Variants in WLS observed in about 807,000 individuals in gnomAD.
WLS encodes the protein protein wntless homolog.
In WLS, 23 loss-of-function variants were observed where a neutral mutation model predicts 62.8. The observed-to-expected ratio is 0.37, with a 90% CI of 0.26 to 0.52. WLS has a LOEUF of 0.52. WLS is among the 20% of genes least tolerant of loss of function. WLS has a pLI of 0.92. For synonymous variants in WLS, 246 were observed against 244.1 expected (o/e 1.01, Z -0.07); for missense variants, 615 against 697.3 (o/e 0.88, Z 1.33).
At chr1:68,171,648 A>G (rs1647155443) in intron 2 of WLS, among the ~76,000 whole-genome samples, 1 of 152,214 alleles carries the variant, frequency 6.6e-6, no homozygotes, top group Non-Finnish European at 1.5e-5. Flanking sequence ...GCGATCATTG[A>G]AAAGTCAGGA....
At chr1:68,117,603 C>A (rs61737289) in intron 11 of WLS, 4,320 of 152,568 alleles carry the variant, frequency 0.028, 82 homozygotes, top group Non-Finnish European at 0.039. Flanking sequence ...GCGGCCACTG[C>A]CACTGACTTC....
At chr1:68,142,898 C>G (rs1237950661) in intron 10 of WLS, 1 of 152,116 alleles carries the variant, frequency 6.6e-6, no homozygotes, top group Non-Finnish European at 1.5e-5. Context: ...TCACTAGTCT[C>G]TAGCTGAAAG....
chr1:68,203,841 G>A (rs1297771729), intron 1 of WLS, among the ~76,000 whole-genome samples: 1 of 152,144 alleles, frequency 6.6e-6, no homozygotes, highest in Admixed American at 6.5e-5. Flanking sequence ...CTCAGGAAAG[G>A]GTGGGTTCCT....
chr1:68,138,139 C>G (rs1646637444), intron 10 of WLS: 2 of 611,870 alleles, frequency 3.3e-6, no homozygotes, highest in South Asian at 4.2e-5. Context: ...CTGTCAGGCA[C>G]AGTCAGTGGT....
At chr1:68,113,201 C>T (rs925856756) in intron 11 of WLS, among the ~76,000 whole-genome samples, 5 of 152,180 alleles carry the variant, frequency 3.3e-5, no homozygotes, top group South Asian at 2.1e-4. Context: ...TAAAAATATC[C>T]GTATCCTTAT....
At chr1:68,104,173 G>T (rs954950932) in intron 11 of WLS, among the ~76,000 whole-genome samples, 2 of 146,600 alleles carry the variant, frequency 1.4e-5, no homozygotes, top group African/African-American at 5.1e-5. Flanking sequence ...GTCTCTCGGG[G>T]CCCTGCAATG....
rs145173099 is a variant in WLS at position 68,116,753 on chromosome 1, C to A, written c.1511-18000G>T. Among the ~76,000 whole-genome samples, 526 of 152,232 alleles carry A rather than the reference C, an allele frequency of 3.5e-3. 3 individuals carry two copies. The highest frequency in any genetic ancestry group is 0.02 in the Middle Eastern group (6 of 294). ...AACAGTGCCTGGTACTTAATAGGGG[C>A]TCTATAAACAGTTGTTGGGTGAATG... On this transcript the variant is annotated intron_variant, in intron 11 of 11. Coordinates refer to the WLS transcript ENST00000354777.
intron 11 of WLS, among the ~76,000 whole-genome samples, chr1:68,117,259 T>C (rs1646304583): frequency 6.6e-6 from 1 of 152,184 alleles, no homozygotes; most frequent in Admixed American, 6.5e-5. Flanking sequence ...TATACAGTAT[T>C]CTTCCCAACC....
At position 68,126,182 on chromosome 1, in the gene WLS, G is replaced by A. The variant is rs1332279885; in HGVS notation, c.*44C>T. The A allele has an allele frequency of 6.2e-7, 1 of 1,610,608 alleles. No homozygotes were observed. Among genetic ancestry groups the A allele is most frequent in the South Asian group, 1.1e-5 (1 of 90,442 alleles). The stretch of plus-strand genomic sequence containing the variant: ...GCATGCTCCCCACTCTAGTTAGAGG[G>A]GCTGGGGTATGGAGAGACCGTCCCA... On this transcript the variant is annotated 3_prime_UTR_variant, in exon 12 of 12. Transcript: ENST00000262348.
At chr1:68,115,897 G>A (rs1286733421) in intron 11 of WLS, among the ~76,000 whole-genome samples, 2 of 152,022 alleles carry the variant, frequency 1.3e-5, no homozygotes, top group Admixed American at 6.5e-5. Flanking sequence ...TATTCCACTA[G>A]TCTTCCACCC....
chr1:68,115,691 A>G (rs991418591), intron 11 of WLS, among the ~76,000 whole-genome samples: 1 of 150,748 alleles, frequency 6.6e-6, no homozygotes, highest in Non-Finnish European at 1.5e-5. Context: ...ATGAGGGGGG[A>G]ATACTTTTTA....
chr1:68,111,100 T>C (rs1382441597), intron 11 of WLS, among the ~76,000 whole-genome samples: 1 of 152,236 alleles, frequency 6.6e-6, no homozygotes, highest in African/African-American at 2.4e-5. Flanking sequence ...TCTAGATTAA[T>C]CTTGACCGTG....
chr1:68,213,337 G>T (rs1649594012), intron 1 of WLS, among the ~76,000 whole-genome samples: 1 of 151,552 alleles, frequency 6.6e-6, no homozygotes, highest in Non-Finnish European at 1.5e-5. Flanking sequence ...TGTAATCCCA[G>T]CTACTCAGGA....
At chr1:68,130,486 T>C (rs1195989695) in intron 11 of WLS, among the ~76,000 whole-genome samples, 1 of 152,226 alleles carries the variant, frequency 6.6e-6, no homozygotes, top group Non-Finnish European at 1.5e-5. Flanking sequence ...AGAACATTCA[T>C]GACCTATCCT....
At chr1:68,193,901 C>G (rs1053059891) in intron 2 of WLS, 54 bp downstream of exon 2, 12 of 1,561,848 alleles carry the variant, frequency 7.7e-6, no homozygotes, top group South Asian at 1.2e-5. Flanking sequence ...AAAAAGAACC[C>G]AAAGAGGGCA....
At chr1:68,178,732 G>C (rs1425914018) in intron 2 of WLS, among the ~76,000 whole-genome samples, 1 of 147,226 alleles carries the variant, frequency 6.8e-6, no homozygotes, top group African/African-American at 2.5e-5. Flanking sequence ...AAAGAAAAGA[G>C]AAAACTAAAC....
intron 1 of WLS, among the ~76,000 whole-genome samples, chr1:68,197,712 T>TAGC: frequency 6.6e-6 from 1 of 152,296 alleles, no homozygotes; most frequent in South Asian, 2.1e-4. Flanking sequence ...TTACAGCTGG[T>TAGC]AGCTGGTCAC....
chr1:68,232,494 G>C lies in WLS; in HGVS notation c.-195C>G. On this transcript the variant is annotated 5_prime_UTR_variant, in exon 1 of 12. Transcript: ENST00000262348. ...GGATTCCCCCGGCGCAGCCGGCTCG[G>C]GTTCCCCCAATGCCCGGAGCTGTGA... The C allele has an allele frequency of 8.2e-7, 1 of 1,212,474 alleles. No individual in the cohort carries two copies. 75.1% of individuals were successfully genotyped at this position (1,212,474 alleles called of 1,614,324 possible). A position where few individuals can be genotyped will look rare whatever the true frequency, so the allele number is the denominator to read the frequency against.
intron 2 of WLS, among the ~76,000 whole-genome samples, chr1:68,174,419 G>A (rs1328016872): frequency 2.0e-5 from 3 of 152,152 alleles, no homozygotes; most frequent in Non-Finnish European, 2.9e-5. Context: ...GACATTCCTC[G>A]AGTTGGGCTC....
Sources: allele counts gnomAD v4.1 joint callset (sites outside exome capture counted in the v4.1 genomes callset), GRCh38; gene constraint gnomAD v4.1.1; transcripts MANE v1.5; gene names NCBI Gene and HGNC (gene_info 2026-07-23, HGNC 2026-07-21).